TP53INP1: variants seen among roughly 807,000 people sequenced by gnomAD.
The protein encoded by TP53INP1 is tumor protein p53 inducible nuclear protein 1, also known as tumor protein p53-inducible nuclear protein 1.
In TP53INP1, 12 loss-of-function variants were observed where a neutral mutation model predicts 21.0. The ratio of observed to expected loss-of-function variants is 0.57; its 90% confidence interval spans 0.37 to 0.93. TP53INP1 has a LOEUF of 0.93. Among genes scored for constraint, TP53INP1 ranks in the 40% least tolerant of loss-of-function variants. The probability of loss-of-function intolerance (pLI) is 0.01; values close to 1 mark genes in which losing one functional copy is unlikely to be tolerated. For missense variants in TP53INP1, 274 were observed against 294.7 expected, an observed-to-expected ratio of 0.93 and a Z score of 0.51; for synonymous variants, 91 against 94.8, an observed-to-expected ratio of 0.96 and a Z score of 0.23.
intron 1 of TP53INP1, among the ~76,000 whole-genome samples, chr8:94,944,020 G>C (rs1821783472): frequency 6.6e-6 from 1 of 152,200 alleles, no homozygotes; most frequent in Non-Finnish European, 1.5e-5. Flanking sequence ...TGTAAATAAA[G>C]ATTTTTGAGG....
At chr8:94,943,083 T>C (rs977419144) in intron 1 of TP53INP1, among the ~76,000 whole-genome samples, 3 of 152,258 alleles carry the variant, frequency 2.0e-5, no homozygotes, top group East Asian at 1.9e-4. Flanking sequence ...AATAATGCAG[T>C]TGGAGATGTC....
chr8:94,940,986 G>GT lies in TP53INP1; in HGVS notation c.-46_-45insA. 1 of 1,478,922 alleles carries GT rather than the reference G, an allele frequency of 6.8e-7. No individual in the cohort carries two copies. Among genetic ancestry groups the GT allele is most frequent in the Non-Finnish European group, 9.4e-7 (1 of 1,066,618 alleles). 91.6% of individuals were successfully genotyped at this position (1,478,922 alleles called of 1,614,324 possible). ...GTTTGGCTGGATGTCTTTTATAGCT[G>GT]AGATTTCAAAACCTTGTCTTTAGTT... On this transcript the variant is annotated 5_prime_UTR_variant, in exon 2 of 4. Coordinates refer to ENST00000342697, the MANE Select transcript of TP53INP1 (RefSeq NM_033285.4).
intron 3 of TP53INP1, among the ~76,000 whole-genome samples, chr8:94,933,301 CAT>C (rs1259507086): frequency 6.6e-6 from 1 of 152,132 alleles, no homozygotes. Context: ...ATATAACTAT[CAT>C]ATATGAATGC....
At chr8:94,939,014 A>T (rs565006585) in intron 3 of TP53INP1, among the ~76,000 whole-genome samples, 10 of 152,318 alleles carry the variant, frequency 6.6e-5, no homozygotes, top group African/African-American at 2.2e-4. Context: ...AGAGGACACT[A>T]GAGGGTGTCC....
chr8:94,931,047 G>T (rs146472525), intron 3 of TP53INP1, among the ~76,000 whole-genome samples: 5 of 152,158 alleles, frequency 3.3e-5, no homozygotes, highest in Non-Finnish European at 4.4e-5. Flanking sequence ...TCTGGGAGGG[G>T]AGCTAACATT....
chr8:94,946,705 A>AG, intron 1 of TP53INP1, among the ~76,000 whole-genome samples: 1 of 146,824 alleles, frequency 6.8e-6, no homozygotes, highest in Non-Finnish European at 1.5e-5. Context: ...TCAAAAAAAA[A>AG]AAAAAAAAAA....
At position 94,941,004 on chromosome 8, in the gene TP53INP1, C is replaced by G; in HGVS notation, c.-63G>C. 2 of 1,283,844 alleles carry G rather than the reference C, an allele frequency of 1.6e-6. No homozygotes were observed. Among genetic ancestry groups the G allele is most frequent in the Admixed American group, 3.6e-5 (2 of 54,948 alleles). The allele number at this position is 1,283,844 out of a possible 1,614,324, so 79.5% of individuals were successfully genotyped here. On this transcript the variant is annotated 5_prime_UTR_variant, in exon 2 of 4. Coordinates refer to ENST00000342697, the MANE Select transcript of TP53INP1 (RefSeq NM_033285.4). ...TATAGCTGAGATTTCAAAACCTTGT[C>G]TTTAGTTGGCCCAATGGTACCGACA...
In TP53INP1 at chr8:94,927,261, A is replaced by G. The variant is rs1450963433; in HGVS notation, c.*3218T>C. The G allele has an allele frequency of 6.6e-6, 1 of 152,630 alleles. No individual in the cohort carries two copies. The highest frequency in any genetic ancestry group is 1.5e-5 in the Non-Finnish European group (1 of 68,032). 9.5% of individuals were successfully genotyped at this position (152,630 alleles called of 1,614,324 possible). A position where few individuals can be genotyped will look rare whatever the true frequency, so the allele number is the denominator to read the frequency against. ...TCGTTTTTCTTAAGAGTACATAAAG[A>G]TAATATATAATGTATTTCATTGAGG... On this transcript the variant is annotated 3_prime_UTR_variant, in exon 4 of 4. Transcript: ENST00000342697.
intron 1 of TP53INP1, among the ~76,000 whole-genome samples, chr8:94,946,692 G>A (rs1822024344): frequency 5.2e-5 from 1 of 19,208 alleles, no homozygotes; most frequent in African/African-American, 1.1e-4. Flanking sequence ...GTAAGACCCT[G>A]TCTCAAAAAA....
chr8:94,948,549 G>C (rs1822221974), intron 1 of TP53INP1, among the ~76,000 whole-genome samples: 1 of 152,158 alleles, frequency 6.6e-6, no homozygotes, highest in African/African-American at 2.4e-5. Flanking sequence ...GCCGGTGGCC[G>C]GGTCACGGAG....
chr8:94,940,405 C>A (rs1034363783), intron 2 of TP53INP1, among the ~76,000 whole-genome samples, 185 bp from the exon 3 acceptor site: 3 of 151,852 alleles, frequency 2.0e-5, no homozygotes, highest in African/African-American at 7.3e-5. Context: ...CATTTATATT[C>A]ATCTATATGA....
chr8:94,939,008 G>T (rs963210790), intron 3 of TP53INP1, among the ~76,000 whole-genome samples: 5 of 152,160 alleles, frequency 3.3e-5, no homozygotes, highest in Non-Finnish European at 5.9e-5. Flanking sequence ...TGAATCAGAG[G>T]ACACTAGAGG....
At chr8:94,942,090 G>A (rs959107077) in intron 1 of TP53INP1, among the ~76,000 whole-genome samples, 1 of 151,268 alleles carries the variant, frequency 6.6e-6, no homozygotes, top group East Asian at 1.9e-4. Context: ...TGGAGTGCAT[G>A]CAGTGAGGCG....
At chr8:94,948,570 A>G (rs932524898) in intron 1 of TP53INP1, among the ~76,000 whole-genome samples, 1 of 152,160 alleles carries the variant, frequency 6.6e-6, no homozygotes, top group Non-Finnish European at 1.5e-5. Flanking sequence ...CAGGTTCCCC[A>G]TAGCCGCAGG....
At chr8:94,943,555 CTT>C (rs1195385551) in intron 1 of TP53INP1, among the ~76,000 whole-genome samples, 6 of 152,216 alleles carry the variant, frequency 3.9e-5, no homozygotes, top group Admixed American at 3.9e-4. Flanking sequence ...ATCACCACCT[CTT>C]TTTATCACAA....
chr8:94,932,567 G>A (rs751042703), intron 3 of TP53INP1, among the ~76,000 whole-genome samples: 27 of 152,242 alleles, frequency 1.8e-4, no homozygotes, highest in Non-Finnish European at 3.1e-4. Context: ...ACTTTGGGAG[G>A]CTGAGGCGGG....
Position 94,929,157 on chromosome 8 carries a change from C to G in TP53INP1, c.*1322G>C, listed in dbSNP as rs1192243322. On this transcript the variant is annotated 3_prime_UTR_variant, in exon 4 of 4. Transcript: ENST00000342697. ...CCAACACTGTGAAGAACAGCTGTGG[C>G]AGAGAAAGTGCCACGGCCCCACCCC... The G allele has an allele frequency of 1.3e-5, 2 of 152,588 alleles. No homozygotes were observed. Among genetic ancestry groups the G allele is most frequent in the Non-Finnish European group, 2.9e-5 (2 of 68,108 alleles). 9.5% of individuals were successfully genotyped at this position (152,588 alleles called of 1,614,324 possible). A position where few individuals can be genotyped will look rare whatever the true frequency, so the allele number is the denominator to read the frequency against.
chr8:94,938,973 G>A (rs148256322), intron 3 of TP53INP1, among the ~76,000 whole-genome samples: 62 of 152,282 alleles, frequency 4.1e-4, no homozygotes, highest in Non-Finnish European at 7.4e-4. Flanking sequence ...ATGCCATCTC[G>A]AGGTAGACAG....
intron 1 of TP53INP1, among the ~76,000 whole-genome samples, chr8:94,943,011 A>C (rs113078837): frequency 3.3e-5 from 5 of 152,236 alleles, no homozygotes; most frequent in African/African-American, 7.2e-5. Flanking sequence ...GGAAACAGGA[A>C]TGAATCCTGC....
Sources: gnomAD v4.1 joint callset for allele counts (sites outside exome capture counted in the v4.1 genomes callset) on GRCh38, gnomAD v4.1.1 for gene constraint, MANE v1.5 for transcripts, NCBI Gene and HGNC (gene_info 2026-07-23, HGNC 2026-07-21) for gene names.